GINS2: variants seen among roughly 807,000 people sequenced by gnomAD.
GINS2 encodes GINS complex subunit 2.
In GINS2, 23 loss-of-function variants were observed where a neutral mutation model predicts 21.2. The observed-to-expected ratio is 1.08, with a 90% CI of 0.78 to 1.53. GINS2 has a LOEUF of 1.53. Among genes scored for constraint, GINS2 ranks in the 40% most tolerant of loss-of-function variants. GINS2 has a pLI of 0.00. For synonymous variants in GINS2, 118 were observed against 85.6 expected, an observed-to-expected ratio of 1.38 and a Z score of -2.09; for missense variants, 323 against 233.9, an observed-to-expected ratio of 1.38 and a Z score of -2.49.
chr16:85,685,685 A>AAAAAAAAAAAAAC lies in GINS2; in HGVS notation c.205+1774_205+1775insGTTTTTTTTTTTT, dbSNP rs56405044. On this transcript the variant is annotated intron_variant, in intron 2 of 4. Coordinates refer to ENST00000253462, the MANE Select transcript of GINS2 (RefSeq NM_016095.3). ...GACCCTTTCTCAAAAAAAAAAAAAA[A>AAAAAAAAAAAAAC]AAAAAACCGTCTCAAAGCAGAGGAA... Among the ~76,000 whole-genome samples the AAAAAAAAAAAAAC allele has an allele frequency of 1.7e-4, 21 of 120,890 alleles. 1 individual carries two copies. The highest frequency in any genetic ancestry group is 2.4e-4 in the African/African-American group (9 of 37,904). 79.3% of individuals were successfully genotyped at this position (120,890 alleles called of 152,430 possible).
chr16:85,684,897 C>T lies in GINS2; in HGVS notation c.205+2563G>A, dbSNP rs529664169. ...CCACCTCCTGGATTCAAGCAATTCT[C>T]CCTGCCTCAGCCTCCCAAGTAGCTG... On this transcript the variant is annotated intron_variant, in intron 2 of 4. Transcript: ENST00000253462. 4.1e-4 allele frequency among the ~76,000 whole-genome samples: 62 copies of T among 152,028 alleles called. No individual in the cohort carries two copies. In the South Asian group the frequency reaches 0.01, roughly 26 times the overall value.
chr16:85,681,967 G>T (rs1396404419), intron 2 of GINS2, among the ~76,000 whole-genome samples: 2 of 140,374 alleles, frequency 1.4e-5, no homozygotes, highest in Non-Finnish European at 3.1e-5. Flanking sequence ...GTTGTGTTTT[G>T]CTTTTGTTTT....
intron 2 of GINS2, among the ~76,000 whole-genome samples, chr16:85,686,323 C>T (rs35003522): frequency 0.23 from 35,025 of 151,510 alleles, 4,410 homozygotes; most frequent in Non-Finnish European, 0.3. Context: ...GAGGCTGACG[C>T]GGGAGAATGG....
chr16:85,682,011 C>T (rs1316403870), intron 2 of GINS2, among the ~76,000 whole-genome samples: 1 of 141,384 alleles, frequency 7.1e-6, no homozygotes, highest in African/African-American at 2.6e-5. Flanking sequence ...AAGTGATTTA[C>T]CTTTACCGCC....
chr16:85,685,678 A>AAAAAAAAAAAAAAAAAAAAC (rs1567792794), intron 2 of GINS2, among the ~76,000 whole-genome samples: 6 of 143,892 alleles, frequency 4.2e-5, no homozygotes, highest in African/African-American at 1.7e-4. Context: ...CTCAAAAAAA[A>AAAAAAAAAAAAAAAAAAAAC]AAAAAAAAAA....
At position 85,688,793 on chromosome 16, in the gene GINS2, C is replaced by T. The variant is rs746534314; in HGVS notation, c.90+16G>A. 1.4e-6 allele frequency: 2 copies of T among 1,476,998 alleles called. No homozygotes were observed. Among genetic ancestry groups the T allele is most frequent in the Middle Eastern group, 1.8e-4 (1 of 5,696 alleles). 91.5% of individuals were successfully genotyped at this position (1,476,998 alleles called of 1,614,324 possible). A position where few individuals can be genotyped will look rare whatever the true frequency, so the allele number is the denominator to read the frequency against. On this transcript the variant is annotated intron_variant, in intron 1 of 4. Coordinates refer to ENST00000253462, the MANE Select transcript of GINS2 (RefSeq NM_016095.3). The stretch of plus-strand genomic sequence containing the variant: ...CCAGCCCGGCCTCCCCTCCCCACGG[C>T]GGGCCCAGGCCTCACCCCGATGAGG...
intron 2 of GINS2, among the ~76,000 whole-genome samples, chr16:85,684,338 G>C (rs1346282278): frequency 6.6e-6 from 1 of 152,010 alleles, no homozygotes; most frequent in African/African-American, 2.4e-5. Flanking sequence ...TGTCTCAAAA[G>C]CCAAAAATGA....
chr16:85,683,495 T>C (rs1446642633), intron 2 of GINS2, among the ~76,000 whole-genome samples: 1 of 152,176 alleles, frequency 6.6e-6, no homozygotes, highest in Non-Finnish European at 1.5e-5. Context: ...TGATACCCAC[T>C]GCAGCCCACA....
intron 2 of GINS2, among the ~76,000 whole-genome samples, chr16:85,685,302 G>T (rs2053765215): frequency 6.6e-6 from 1 of 152,126 alleles, no homozygotes; most frequent in South Asian, 2.1e-4. Flanking sequence ...TGGGACAAAA[G>T]TGCCAGACAC....
Position 85,681,586 on chromosome 16 carries a change from T to C in GINS2, c.301A>G (p.Asn101Asp). ...TAAGAGGTGAGATCTACTTACTGAT[T>C]TAACAGGAGCTTCGTAAGTTCCATG... ...YYMELTKLLL[N>D]HASDNIPKAD... is the part of the protein sequence containing the mutation. Residue 101 changes from asparagine (N) to aspartate (D), a missense_variant, in exon 3 of 5, where the codon AAT becomes GAT. Asn to Asp is a conservative substitution (Grantham distance 23). Coordinates refer to ENST00000253462, the MANE Select transcript of GINS2 (RefSeq NM_016095.3). 6.3e-7 allele frequency: 1 copy of C among 1,590,496 alleles called. No homozygotes were observed. Among genetic ancestry groups the C allele is most frequent in the Non-Finnish European group, 8.6e-7 (1 of 1,158,892 alleles).
Position 85,678,400 on chromosome 16 carries a change from C to G in GINS2, c.433-63G>C. 5 of 1,587,386 alleles carry G rather than the reference C, an allele frequency of 3.1e-6. No individual in the cohort carries two copies. The South Asian group carries it at 4.4e-5, about 14-fold the overall frequency. On this transcript the variant is annotated intron_variant, in intron 4 of 4. Transcript: ENST00000253462. ...TTTGATTTTGAGAAAAAGGTAAACT[C>G]TACTGAATAAAAATAAGAAACCAAT... is the stretch of plus-strand genomic sequence containing the variant.
intron 2 of GINS2, among the ~76,000 whole-genome samples, chr16:85,682,444 C>G (rs1225759068): frequency 6.6e-6 from 1 of 151,776 alleles, no homozygotes; most frequent in Admixed American, 6.6e-5. Context: ...ATACAATATC[C>G]TAGGGGGGTT....
At chr16:85,680,049 C>G (rs1015172146) in intron 3 of GINS2, among the ~76,000 whole-genome samples, 1 of 152,220 alleles carries the variant, frequency 6.6e-6, no homozygotes, top group Non-Finnish European at 1.5e-5. Flanking sequence ...TCTGTGAGCC[C>G]TCTCTGGCAC....
At position 85,685,965 on chromosome 16, in the gene GINS2, G is replaced by A. The variant is rs182532173; in HGVS notation, c.205+1495C>T. ...CTCAGGGTCTTTTCAAATTCTATATGTATGACCATACCCCTCTCCTCACCA... is the reference window on the plus strand; with the variant it reads ...CTCAGGGTCTTTTCAAATTCTATATATATGACCATACCCCTCTCCTCACCA... On this transcript the variant is annotated intron_variant, in intron 2 of 4. Transcript: ENST00000253462. Among the ~76,000 whole-genome samples, 740 of 150,908 alleles carry A rather than the reference G, an allele frequency of 4.9e-3. 30 individuals are homozygous for A. Among genetic ancestry groups the A allele is most frequent in the Admixed American group, 0.046 (700 of 15,158 alleles).
intron 2 of GINS2, 117 bp from the exon 3 acceptor site, chr16:85,681,798 A>G: frequency 1.6e-6 from 1 of 626,776 alleles, no homozygotes; most frequent in Non-Finnish European, 2.8e-6. Context: ...TAGCAAATAC[A>G]TGAAAAAACA....
rs2053673641 is a variant in GINS2 at position 85,676,602 on chromosome 16, G to C, written c.*1610C>G. Reference sequence around the variant, plus strand: ...TGCTAGACACTGGAGGGCAGATGCTGGGTGATAAGTCTTTAGGCTCAGCCT... The same window carrying C: ...TGCTAGACACTGGAGGGCAGATGCTCGGTGATAAGTCTTTAGGCTCAGCCT... On this transcript the variant is annotated 3_prime_UTR_variant, in exon 5 of 5. Coordinates refer to ENST00000253462, the MANE Select transcript of GINS2 (RefSeq NM_016095.3). 1 of 152,290 alleles carries C rather than the reference G, an allele frequency of 6.6e-6. No homozygotes were observed. Among genetic ancestry groups the C allele is most frequent in the South Asian group, 2.1e-4 (1 of 4,832 alleles). The allele number at this position is 152,290 out of a possible 1,614,324, so 9.4% of individuals were successfully genotyped here. A position where few individuals can be genotyped will look rare whatever the true frequency, so the allele number is the denominator to read the frequency against.
chr16:85,676,210 G>T lies in GINS2; in HGVS notation c.*2002C>A, dbSNP rs368094439. The T allele has an allele frequency of 6.6e-6, 1 of 152,608 alleles. No homozygotes were observed. The highest frequency in any genetic ancestry group is 6.5e-5 in the Admixed American group (1 of 15,276). 9.5% of individuals were successfully genotyped at this position (152,608 alleles called of 1,614,324 possible). A position where few individuals can be genotyped will look rare whatever the true frequency, so the allele number is the denominator to read the frequency against. On this transcript the variant is annotated 3_prime_UTR_variant, in exon 5 of 5. Coordinates refer to ENST00000253462, the MANE Select transcript of GINS2 (RefSeq NM_016095.3). ...AAATCTTCCTAAATTATGTTAAGAGGAAAATCTTTTTTATGATATAAAACA... is the reference window on the plus strand; with the variant it reads ...AAATCTTCCTAAATTATGTTAAGAGTAAAATCTTTTTTATGATATAAAACA...
intron 3 of GINS2, among the ~76,000 whole-genome samples, chr16:85,680,513 GTTTCAC>G (rs2053722733): frequency 6.6e-6 from 1 of 152,072 alleles, no homozygotes. Flanking sequence ...TTCTTCACTA[GTTTCAC>G]TTTCACTCAA....
At chr16:85,684,416 G>A (rs1479701907) in intron 2 of GINS2, among the ~76,000 whole-genome samples, 1 of 152,190 alleles carries the variant, frequency 6.6e-6, no homozygotes, top group Non-Finnish European at 1.5e-5. Flanking sequence ...GATCACTCGA[G>A]CCCAGGAGTT....
Sources: gnomAD v4.1 joint callset for allele counts (sites outside exome capture counted in the v4.1 genomes callset) on GRCh38, gnomAD v4.1.1 for gene constraint, MANE v1.5 for transcripts, NCBI Gene and HGNC (gene_info 2026-07-23, HGNC 2026-07-21) for gene names.